FBXL4: variants seen among roughly 807,000 people sequenced by gnomAD.
FBXL4 encodes F-box and leucine rich repeat protein 4, also known as F-box/LRR-repeat protein 4.
FBXL4 carries 40 observed loss-of-function variants against 58.9 expected under a neutral mutation model. The ratio of observed to expected loss-of-function variants is 0.68; its 90% CI spans 0.53 to 0.88. The LOEUF (loss-of-function observed/expected upper bound fraction) is 0.88, where lower values mean the gene tolerates loss of function less well. Among genes scored for constraint, FBXL4 ranks in the 40% least tolerant of loss-of-function variants. FBXL4 has a pLI of 0.00. For missense variants in FBXL4, 676 were observed against 734.4 expected, an observed-to-expected ratio of 0.92 and a Z score of 0.92; for synonymous variants, 263 against 265.5, an observed-to-expected ratio of 0.99 and a Z score of 0.09.
intron 5 of FBXL4, among the ~76,000 whole-genome samples, chr6:98,910,163 T>C (rs9372982): frequency 0.072 from 10,982 of 152,236 alleles, 602 homozygotes; most frequent in East Asian, 0.28. Context: ...TAGTTTTCAG[T>C]GGGAGACAGA....
chr6:98,926,997 G>C lies in FBXL4; in HGVS notation c.-9C>G. The C allele has an allele frequency of 6.2e-7, 1 of 1,608,270 alleles. No homozygotes were observed. The highest frequency in any genetic ancestry group is 8.5e-7 in the Non-Finnish European group (1 of 1,176,026). The stretch of plus-strand genomic sequence containing the variant: ...GGAAAGACCGGTGACATCTAGATGT[G>C]AATTATGAAGCTTCAAAAGGTCAGG... On this transcript the variant is annotated 5_prime_UTR_variant, in exon 4 of 10. An upstream open reading frame in the 5' UTR gains an earlier in-frame stop. Transcript: ENST00000369244.
In FBXL4 at chr6:98,875,733, A is replaced by T; in HGVS notation, c.1390-6T>A. 1 of 1,612,676 alleles carries T rather than the reference A, an allele frequency of 6.2e-7. No homozygotes were observed. The highest frequency in any genetic ancestry group is 8.5e-7 in the Non-Finnish European group (1 of 1,179,600). On this transcript the variant is annotated splice_region_variant and splice_polypyrimidine_tract_variant and intron_variant, in intron 8 of 9. Transcript: ENST00000369244. ...ATCACATCATAGTCTTCAATCTGGA[A>T]ATCAAATAATTCCAATCTTTTACAT...
At chr6:98,916,412 C>T (rs1217621430) in intron 5 of FBXL4, among the ~76,000 whole-genome samples, 3 of 152,174 alleles carry the variant, frequency 2.0e-5, no homozygotes, top group Non-Finnish European at 4.4e-5. Context: ...GACTTGGAAC[C>T]AACCCAAATG....
intron 6 of FBXL4, among the ~76,000 whole-genome samples, chr6:98,899,748 T>A (rs191651288): frequency 6.6e-6 from 1 of 152,150 alleles, no homozygotes; most frequent in East Asian, 1.9e-4. Flanking sequence ...AAGTAGAAGA[T>A]ATATTTTTCC....
intron 1 of FBXL4, among the ~76,000 whole-genome samples, chr6:98,940,138 A>C (rs1773379778): frequency 6.6e-6 from 1 of 152,238 alleles, no homozygotes; most frequent in Admixed American, 6.5e-5. Context: ...TCATGGCAGT[A>C]AATTATAAAA....
At chr6:98,885,896 T>C (rs9388814) in intron 7 of FBXL4, among the ~76,000 whole-genome samples, 12 of 152,074 alleles carry the variant, frequency 7.9e-5, no homozygotes, top group African/African-American at 2.7e-4. Flanking sequence ...TGATCCCTTG[T>C]GGGGAAGCCA....
rs557470050 is a variant in FBXL4, at chr6:98,872,476, C to G, written c.*1802G>C. ...GTACTTACAATCAACTTTAATGACA[C>G]GAAACATTAACTTTGATCCTCCCTG... is the stretch of plus-strand genomic sequence containing the variant. On this transcript the variant is annotated 3_prime_UTR_variant, in exon 10 of 10. Coordinates refer to ENST00000369244, the MANE Select transcript of FBXL4 (RefSeq NM_001278716.2). 6.6e-6 allele frequency: 1 copy of G among 152,088 alleles called. No individual in the cohort carries two copies. The highest frequency in any genetic ancestry group is 6.6e-5 in the Admixed American group (1 of 15,244). 9.4% of individuals were successfully genotyped at this position (152,088 alleles called of 1,614,324 possible).
intron 5 of FBXL4, among the ~76,000 whole-genome samples, chr6:98,910,577 A>G (rs1159752833): frequency 6.6e-6 from 1 of 152,054 alleles, no homozygotes; most frequent in Non-Finnish European, 1.5e-5. Context: ...GAATGGCATG[A>G]ACCCAGGAGG....
intron 1 of FBXL4, among the ~76,000 whole-genome samples, chr6:98,940,518 T>C (rs1043831301): frequency 9.2e-5 from 14 of 152,346 alleles, no homozygotes; most frequent in African/African-American, 3.1e-4. Flanking sequence ...TGATACCCTG[T>C]GGTTTTAATT....
At chr6:98,881,613 T>C (rs950489319) in intron 7 of FBXL4, among the ~76,000 whole-genome samples, 1 of 151,990 alleles carries the variant, frequency 6.6e-6, no homozygotes, top group African/African-American at 2.4e-5. Flanking sequence ...AGATTCTCAT[T>C]GAGAAAATAA....
chr6:98,912,128 A>G (rs1412271284), intron 5 of FBXL4, among the ~76,000 whole-genome samples: 1 of 152,242 alleles, frequency 6.6e-6, no homozygotes, highest in Non-Finnish European at 1.5e-5. Flanking sequence ...TTTAGAGAAA[A>G]AAGAATAAAA....
rs546361259 is a variant in FBXL4, at chr6:98,909,920, C to A, written c.859-4250G>T. On this transcript the variant is annotated intron_variant, in intron 5 of 9. Coordinates refer to ENST00000369244, the MANE Select transcript of FBXL4 (RefSeq NM_001278716.2). ...TTATGTGGCAACTTTAGCTACTTCACAGGATGTGCCATGGCATTTTAACTG... is the reference window on the plus strand; with the variant it reads ...TTATGTGGCAACTTTAGCTACTTCAAAGGATGTGCCATGGCATTTTAACTG... Among the ~76,000 whole-genome samples the A allele has an allele frequency of 2.8e-3, 420 of 152,306 alleles. 2 individuals carry two copies. Among genetic ancestry groups the A allele is most frequent in the Non-Finnish European group, 3.6e-3 (242 of 68,030 alleles).
rs745348926 is a variant in FBXL4 at position 98,926,587 on chromosome 6, C to A, written c.402G>T (p.Gln134His). 2 of 1,614,144 alleles carry A rather than the reference C, an allele frequency of 1.2e-6. No individual in the cohort carries two copies. The highest frequency in any genetic ancestry group is 1.1e-5 in the South Asian group (1 of 91,078). Reference sequence around the variant, plus strand: ...GAACATGTACAGCTGTAGGATACACCTGTTGTTCAAAAGTAAGTTCCACAT... The same window carrying A: ...GAACATGTACAGCTGTAGGATACACATGTTGTTCAAAAGTAAGTTCCACAT... ...QDYVELTFEQQVYPTAVHVLE... is the reference protein window; with the variant it reads ...QDYVELTFEQHVYPTAVHVLE... The change falls in exon 4 of 10, where the codon CAG (glutamine) becomes CAT (histidine). Residue 134 changes from glutamine (Q) to histidine (H), a missense_variant. Gln to His is a conservative substitution (Grantham distance 24, BLOSUM62 0). Coordinates refer to ENST00000369244, the MANE Select transcript of FBXL4 (RefSeq NM_001278716.2).
chr6:98,902,285 C>A (rs1347098269), intron 6 of FBXL4, among the ~76,000 whole-genome samples: 1 of 151,856 alleles, frequency 6.6e-6, no homozygotes, highest in African/African-American at 2.4e-5. Flanking sequence ...ATTTTAATCC[C>A]AAATAACTTG....
intron 4 of FBXL4, among the ~76,000 whole-genome samples, chr6:98,922,138 G>A (rs1258932655): frequency 6.6e-6 from 1 of 152,152 alleles, no homozygotes; most frequent in East Asian, 1.9e-4. Flanking sequence ...ATGTTGGCCA[G>A]GCTGGTCTCA....
chr6:98,913,877 A>G (rs1207856082), intron 5 of FBXL4, among the ~76,000 whole-genome samples: 1 of 152,220 alleles, frequency 6.6e-6, no homozygotes, highest in Non-Finnish European at 1.5e-5. Context: ...TGAATCCAGA[A>G]GCTGGTTTTT....
At chr6:98,908,486 T>C (rs1019323513) in intron 5 of FBXL4, among the ~76,000 whole-genome samples, 1 of 152,218 alleles carries the variant, frequency 6.6e-6, no homozygotes, top group Non-Finnish European at 1.5e-5. Flanking sequence ...GTATGTATTA[T>C]GCATGTATGT....
At position 98,912,939 on chromosome 6, in the gene FBXL4, G is replaced by A. The variant is rs544577314; in HGVS notation, c.858+4435C>T. Among the ~76,000 whole-genome samples the A allele has an allele frequency of 3.1e-4, 47 of 151,786 alleles. No homozygotes were observed. In the East Asian group the frequency reaches 7.6e-3, roughly 24 times the overall value. ...GCTGTATTCAGGAAACCCATCTCAC[G>A]TGCAGAGACACACATAGGCTCAAAA... On this transcript the variant is annotated intron_variant, in intron 5 of 9. Transcript: ENST00000369244.
intron 5 of FBXL4, among the ~76,000 whole-genome samples, chr6:98,914,979 T>C (rs1772276559): frequency 6.6e-6 from 1 of 152,220 alleles, no homozygotes; most frequent in Non-Finnish European, 1.5e-5. Context: ...AGTCTCAGGA[T>C]ACAAAATCAG....
Sources: allele counts gnomAD v4.1 joint callset (sites outside exome capture counted in the v4.1 genomes callset), GRCh38; gene constraint gnomAD v4.1.1; transcripts MANE v1.5; gene names NCBI Gene and HGNC (gene_info 2026-07-23, HGNC 2026-07-21).